Variants in ABCC9 observed in about 807,000 individuals in gnomAD.
ABCC9 encodes the protein ATP binding cassette subfamily C member 9.
Under a neutral mutation model 188.3 loss-of-function variants are expected in ABCC9, and 95 were observed. The ratio of observed to expected loss-of-function variants is 0.50; its 90% CI spans 0.43 to 0.60. The LOEUF is 0.60. Ranked by LOEUF, ABCC9 falls within the 20% of genes least tolerant of loss-of-function variation. ABCC9 has a pLI of 0.00. For synonymous variants in ABCC9, 659 were observed against 652.7 expected, an observed-to-expected ratio of 1.01 and a Z score of -0.15; for missense variants, 1,102 against 1,876.3, an observed-to-expected ratio of 0.59 and a Z score of 7.62.
intron 15 of ABCC9, among the ~76,000 whole-genome samples, chr12:21,884,259 A>C (rs181720719): frequency 6.6e-6 from 1 of 152,104 alleles, no homozygotes; most frequent in African/African-American, 2.4e-5. Flanking sequence ...CTATTTGTAG[A>C]GACAGGTTCT....
intron 5 of ABCC9, chr12:21,925,251 C>T (rs1949001370): frequency 2.2e-6 from 1 of 453,592 alleles, no homozygotes; most frequent in Non-Finnish European, 3.9e-6. Context: ...GAACATAACT[C>T]ATATAGATGC....
At chr12:21,907,843 A>G (rs1320249518) in intron 11 of ABCC9, among the ~76,000 whole-genome samples, 1 of 152,030 alleles carries the variant, frequency 6.6e-6, no homozygotes, top group Non-Finnish European at 1.5e-5. Flanking sequence ...ACTTTAAAAC[A>G]TGGGGAACGG....
At chr12:21,903,173 C>CA (rs1265768336) in intron 12 of ABCC9, among the ~76,000 whole-genome samples, 3 of 152,112 alleles carry the variant, frequency 2.0e-5, no homozygotes, top group African/African-American at 7.2e-5. Flanking sequence ...GAACCAAAGA[C>CA]AAAAACCACA....
Position 21,941,189 on chromosome 12 carries a change from G to T in ABCC9, c.-137+11C>A, listed in dbSNP as rs943841808. On this transcript the variant is annotated intron_variant, in intron 1 of 39. Coordinates refer to ENST00000261200, the MANE Select transcript of ABCC9 (RefSeq NM_020297.4). This position sits in a 1 kb window ranked among gnomAD's most constrained non-coding sequence, Gnocchi z 5.4. Reference sequence around the variant, plus strand: ...AAATGGCATTCATGTAAAAGACACGGATTCACTTACTCCGATGACAGTTTT... The same window carrying T: ...AAATGGCATTCATGTAAAAGACACGTATTCACTTACTCCGATGACAGTTTT... The T allele has an allele frequency of 6.6e-6, 1 of 152,248 alleles. No individual in the cohort carries two copies. Among genetic ancestry groups the T allele is most frequent in the Admixed American group, 6.5e-5 (1 of 15,286 alleles). The allele number at this position is 152,248 out of a possible 1,614,324, so 9.4% of individuals were successfully genotyped here. A position where few individuals can be genotyped will look rare whatever the true frequency, so the allele number is the denominator to read the frequency against.
intron 4 of ABCC9, among the ~76,000 whole-genome samples, chr12:21,926,391 C>A (rs1949047041): frequency 6.6e-6 from 1 of 152,168 alleles, no homozygotes; most frequent in African/African-American, 2.4e-5. Context: ...ACAGTTAACT[C>A]AATCTGAACT....
intron 30 of ABCC9, among the ~76,000 whole-genome samples, chr12:21,831,899 A>G (rs1267296384): frequency 2.0e-5 from 3 of 152,182 alleles, no homozygotes; most frequent in Admixed American, 2.0e-4. Context: ...TGATTCTGAC[A>G]AAGTGCTTTA....
At chr12:21,843,085 G>A (rs1944472570) in intron 28 of ABCC9, among the ~76,000 whole-genome samples, 1 of 151,978 alleles carries the variant, frequency 6.6e-6, no homozygotes, top group Non-Finnish European at 1.5e-5. Flanking sequence ...TGACTTGTGG[G>A]CTCAAAAGTA....
chr12:21,877,353 A>C (rs1353736443), intron 16 of ABCC9, among the ~76,000 whole-genome samples: 3 of 152,230 alleles, frequency 2.0e-5, no homozygotes, highest in Admixed American at 1.3e-4. Context: ...TAGTTTTGTA[A>C]AATATACTGA....
At position 21,937,608 on chromosome 12, in the gene ABCC9, T is replaced by C. The variant is rs184009605; in HGVS notation, c.-20-914A>G. Among the ~76,000 whole-genome samples, 372 of 152,316 alleles carry C rather than the reference T, an allele frequency of 2.4e-3. 1 individual carries two copies. The highest frequency in any genetic ancestry group is 8.9e-3 in the South Asian group (43 of 4,828). On this transcript the variant is annotated intron_variant, in intron 2 of 39. Transcript: ENST00000261200. ...GGGAGATGAGCAAAGGTCTGCTCCATGAAAATACTGCTGTGAAATTCCAGG... is the reference window on the plus strand; with the variant it reads ...GGGAGATGAGCAAAGGTCTGCTCCACGAAAATACTGCTGTGAAATTCCAGG...
At chr12:21,837,117 T>C (rs1379281017) in intron 30 of ABCC9, among the ~76,000 whole-genome samples, 1 of 152,228 alleles carries the variant, frequency 6.6e-6, no homozygotes, top group Non-Finnish European at 1.5e-5. Context: ...TACATATTAA[T>C]ACCAGTGATC....
At chr12:21,823,563 T>C (rs1943178654) in intron 31 of ABCC9, among the ~76,000 whole-genome samples, 2 of 152,254 alleles carry the variant, frequency 1.3e-5, no homozygotes, top group Admixed American at 1.3e-4. Context: ...ATTTTCACTT[T>C]AGCCTGTTGA....
Position 21,893,835 on chromosome 12 carries a change from T to G in ABCC9, c.1802+197A>C, listed in dbSNP as rs1412198624. The stretch of plus-strand genomic sequence containing the variant: ...AATCAGGAGAAAAATGCTAGATAAA[T>G]TTAAAATTTTTGTTTTGAAAAATTA... On this transcript the variant is annotated intron_variant, in intron 14 of 39. Transcript: ENST00000261200. Among the ~76,000 whole-genome samples, 4 of 152,264 alleles carry G rather than the reference T, an allele frequency of 2.6e-5. No individual in the cohort carries two copies. In the East Asian group the frequency reaches 5.8e-4, roughly 22 times the overall value.
intron 22 of ABCC9, among the ~76,000 whole-genome samples, chr12:21,854,140 T>C (rs1274512218): frequency 6.6e-6 from 1 of 152,210 alleles, no homozygotes; most frequent in African/African-American, 2.4e-5. Context: ...TACAGATAGA[T>C]TGCATTGCTT....
In ABCC9 at chr12:21,934,414, G is replaced by A. The variant is rs1389763074; in HGVS notation, c.143-491C>T. Among the ~76,000 whole-genome samples, 3 of 152,034 alleles carry A rather than the reference G, an allele frequency of 2.0e-5. No individual in the cohort carries two copies. In the East Asian group the frequency reaches 5.8e-4, roughly 29 times the overall value. On this transcript the variant is annotated intron_variant, in intron 3 of 39. Transcript: ENST00000261200. ...TCATATGAGAAAAATTGTTATGTATGACTAGGCAGGCACTATTATTCAACA... is the reference window on the plus strand; with the variant it reads ...TCATATGAGAAAAATTGTTATGTATAACTAGGCAGGCACTATTATTCAACA...
chr12:21,809,665 G>A (rs1295689888), intron 37 of ABCC9, among the ~76,000 whole-genome samples, 187 bp downstream of exon 37: 3 of 152,134 alleles, frequency 2.0e-5, no homozygotes, highest in South Asian at 2.1e-4. Flanking sequence ...ATTTGTTATC[G>A]GGTTCACCCT....
rs2137075890 is a variant in ABCC9 at position 21,799,960 on chromosome 12, A to AT, written c.*1083dup. On this transcript the variant is annotated 3_prime_UTR_variant, in exon 40 of 40. Coordinates refer to ENST00000261200, the MANE Select transcript of ABCC9 (RefSeq NM_020297.4). ...AAAATTACAATAACATTTTTGGTAT[A>AT]TTTTTTGTATGCACATTAAAATTAG... The AT allele has an allele frequency of 6.6e-6, 1 of 152,306 alleles. No homozygotes were observed. Among genetic ancestry groups the AT allele is most frequent in the Non-Finnish European group, 1.5e-5 (1 of 68,014 alleles). The allele number at this position is 152,306 out of a possible 1,614,324, so 9.4% of individuals were successfully genotyped here. A position where few individuals can be genotyped will look rare whatever the true frequency, so the allele number is the denominator to read the frequency against.
At chr12:21,882,715 T>C in intron 16 of ABCC9, 51 bp downstream of exon 16, 1 of 1,478,274 alleles carries the variant, frequency 6.8e-7, no homozygotes, top group Non-Finnish European at 9.5e-7. Flanking sequence ...CACCATAAAA[T>C]AGTAACATAA....
intron 32 of ABCC9, among the ~76,000 whole-genome samples, chr12:21,817,821 C>T (rs948930844): frequency 1.6e-4 from 24 of 152,116 alleles, no homozygotes; most frequent in African/African-American, 4.1e-4. Context: ...TTTCCTCTAA[C>T]GTCCATGAAT....
At chr12:21,817,401 A>G (rs1223650781) in intron 32 of ABCC9, 94 bp from the exon 33 acceptor site, 3 of 1,168,006 alleles carry the variant, frequency 2.6e-6, no homozygotes, top group Non-Finnish European at 3.7e-6. Context: ...AACTTGGACC[A>G]TTAGTGTACA....
Sources: allele counts gnomAD v4.1 joint callset (sites outside exome capture counted in the v4.1 genomes callset), GRCh38; gene constraint gnomAD v4.1.1; non-coding constraint Gnocchi (gnomAD v3.1); transcripts MANE v1.5; gene names NCBI Gene and HGNC (gene_info 2026-07-23, HGNC 2026-07-21).